MYO7B: variants seen among roughly 807,000 people sequenced by gnomAD.
MYO7B encodes myosin VIIB.
MYO7B carries 212 observed loss-of-function variants against 259.7 expected under a neutral mutation model. The ratio of observed to expected loss-of-function variants is 0.82; its 90% CI spans 0.73 to 0.91. MYO7B has a LOEUF of 0.91. Among genes scored for constraint, MYO7B ranks in the 40% least tolerant of loss-of-function variants. MYO7B has a pLI of 0.00. For missense variants in MYO7B, 2,732 were observed against 2,813.5 expected, an observed-to-expected ratio of 0.97 and a Z score of 0.66; for synonymous variants, 1,197 against 1,166.4, an observed-to-expected ratio of 1.03 and a Z score of -0.54.
intron 2 of MYO7B, among the ~76,000 whole-genome samples, chr2:127,561,556 G>A (rs1205812117): frequency 6.6e-6 from 1 of 152,160 alleles, no homozygotes; most frequent in Non-Finnish European, 1.5e-5. Flanking sequence ...TAATGAATAA[G>A]TCTTTCAGAG....
intron 6 of MYO7B, 103 bp from the exon 7 acceptor site, chr2:127,573,817 C>T (rs920163611): frequency 1.2e-4 from 177 of 1,450,878 alleles, no homozygotes; most frequent in Non-Finnish European, 3.1e-5. Context: ...TTCTTCAATT[C>T]GAGGCTTGGC....
Position 127,578,266 on chromosome 2 carries a change from T to C in MYO7B, c.983T>C (p.Leu328Pro). ...VIKLLAAILHLGNVGFMASVF... is the reference protein window; with the variant it reads ...VIKLLAAILHPGNVGFMASVF... ...AAGCTGCTGGCTGCCATTCTCCACC[T>C]GGGGAATGTGGGGTTCATGGGTAAT... Residue 328 changes from leucine to proline, a missense_variant, in exon 9 of 48, where the codon CTG (leucine) becomes CCG (proline). Leu to Pro is a moderately conservative substitution (Grantham distance 98, BLOSUM62 -3). Coordinates refer to ENST00000409816, the MANE Select transcript of MYO7B (RefSeq NM_001393586.1). 6.2e-7 allele frequency: 1 copy of C among 1,613,494 alleles called. No individual in the cohort carries two copies.
chr2:127,605,821 T>C (rs1285920247), intron 19 of MYO7B, 23 bp from the exon 20 acceptor site: 2 of 1,609,430 alleles, frequency 1.2e-6, no homozygotes, highest in African/African-American at 2.7e-5. Context: ...GTTACATGTG[T>C]GTGGCTTGCA....
Position 127,608,776 on chromosome 2 carries a change from C to A in MYO7B, c.2712C>A (p.Ser904=), listed in dbSNP as rs769696591. Reference sequence around the variant, plus strand: ...CTCTCCCTGCCAAGAAGCGCAGATCCATCTACGACACCGTCACTGACACGG... The same window carrying A: ...CTCTCCCTGCCAAGAAGCGCAGATCAATCTACGACACCGTCACTGACACGG... ...QGALPAKKRR[S]IYDTVTDTEM... is the part of the protein sequence containing the mutation. Residue 904 remains serine, a synonymous_variant, in exon 22 of 48, where the codon TCC becomes TCA. Coordinates refer to ENST00000409816, the MANE Select transcript of MYO7B (RefSeq NM_001393586.1). 1.9e-6 allele frequency: 3 copies of A among 1,613,484 alleles called. No homozygotes were observed. The highest frequency in any genetic ancestry group is 2.5e-6 in the Non-Finnish European group (3 of 1,179,866).
At chr2:127,567,389 C>T (rs1224762439) in intron 5 of MYO7B, among the ~76,000 whole-genome samples, 1 of 152,176 alleles carries the variant, frequency 6.6e-6, no homozygotes, top group African/African-American at 2.4e-5. Context: ...GCTCTCAGTT[C>T]ACTAGGGGAC....
At position 127,601,306 on chromosome 2, in the gene MYO7B, G is replaced by T. The variant is rs564315100; in HGVS notation, c.2340-4538G>T. Among the ~76,000 whole-genome samples, 5 of 152,306 alleles carry T rather than the reference G, an allele frequency of 3.3e-5. No individual in the cohort carries two copies. In the South Asian group the frequency reaches 6.2e-4, roughly 19 times the overall value. On this transcript the variant is annotated intron_variant, in intron 19 of 47. Coordinates refer to ENST00000409816, the MANE Select transcript of MYO7B (RefSeq NM_001393586.1). ...ACATATATTTTGCTGTTAATTCGGA[G>T]GTGTGCTCTGAAAAATGTCAATTAG... is the stretch of plus-strand genomic sequence containing the variant.
chr2:127,561,890 C>G (rs1029137567), intron 2 of MYO7B, among the ~76,000 whole-genome samples: 1 of 152,116 alleles, frequency 6.6e-6, no homozygotes, highest in South Asian at 2.1e-4. Context: ...GGTCAAGGTG[C>G]CTTTAGGGTT....
intron 19 of MYO7B, among the ~76,000 whole-genome samples, chr2:127,601,396 T>C (rs941008123): frequency 6.6e-6 from 1 of 152,244 alleles, no homozygotes; most frequent in African/African-American, 2.4e-5. Context: ...ATGTGTTTTA[T>C]CAATTGTTGA....
rs1681228926 is a variant in MYO7B at position 127,627,824 on chromosome 2, C to T, written c.4460+514C>T. On this transcript the variant is annotated intron_variant, in intron 33 of 47. Coordinates refer to ENST00000409816, the MANE Select transcript of MYO7B (RefSeq NM_001393586.1). This position sits in a 1 kb window ranked among gnomAD's most constrained non-coding sequence, Gnocchi z 5.6. Reference sequence around the variant, plus strand: ...GCCCTTTGGGAAGTCCCACCCAAGCCCTGCCAGAGCGCCCCTTGGTTGAAG... The same window carrying T: ...GCCCTTTGGGAAGTCCCACCCAAGCTCTGCCAGAGCGCCCCTTGGTTGAAG... The T allele has an allele frequency of 2.2e-6, 1 of 457,982 alleles. No individual in the cohort carries two copies. Among genetic ancestry groups the T allele is most frequent in the Non-Finnish European group, 4.4e-6 (1 of 227,830 alleles). The allele number at this position is 457,982 out of a possible 1,614,324, so 28.4% of individuals were successfully genotyped here. A position where few individuals can be genotyped will look rare whatever the true frequency, so the allele number is the denominator to read the frequency against.
intron 2 of MYO7B, among the ~76,000 whole-genome samples, chr2:127,562,025 A>G (rs1678108962): frequency 6.8e-6 from 1 of 147,254 alleles, no homozygotes; most frequent in Admixed American, 6.7e-5. Flanking sequence ...GAGAGAGAGA[A>G]AGGGAGAGAG....
chr2:127,571,954 C>T (rs546282396), intron 6 of MYO7B, among the ~76,000 whole-genome samples: 1 of 152,240 alleles, frequency 6.6e-6, no homozygotes, highest in South Asian at 2.1e-4. Context: ...TTTTATGGGT[C>T]ATGCTTTTTT....
chr2:127,571,443 T>TTTTTTTTTTGTTTTTTTG (rs1553448477), intron 6 of MYO7B, among the ~76,000 whole-genome samples: 2 of 72,892 alleles, frequency 2.7e-5, no homozygotes, highest in African/African-American at 1.7e-4. Flanking sequence ...TACCAGTGAG[T>TTTTTTTTTTGTTTTTTTG]TTTTTTTTTT....
At position 127,609,033 on chromosome 2, in the gene MYO7B, G is replaced by A. The variant is rs747097577; in HGVS notation, c.2814+155G>A. 1.3e-5 allele frequency among the ~76,000 whole-genome samples: 2 copies of A among 152,196 alleles called. No individual in the cohort carries two copies. The highest frequency in any genetic ancestry group is 2.4e-5 in the African/African-American group (1 of 41,462). On this transcript the variant is annotated intron_variant, in intron 22 of 47. Coordinates refer to ENST00000409816, the MANE Select transcript of MYO7B (RefSeq NM_001393586.1). The surrounding 1 kb of genome is among the most constrained non-coding windows in gnomAD (Gnocchi z 6.9). ...CTGGTCCCACACGGAAGAGGGGAGC[G>A]TGCGTGGGTTCTGTGGTCAAAGCCT...
At position 127,627,766 on chromosome 2, in the gene MYO7B, T is replaced by C. The variant is rs1190546828; in HGVS notation, c.4460+456T>C. ...GGGCTGACCCCCACTCCCATGGGTC[T>C]CCATGGATCTCATTGACTGGGAACT... On this transcript the variant is annotated intron_variant, in intron 33 of 47. Transcript: ENST00000409816. The surrounding 1 kb of genome is among the most constrained non-coding windows in gnomAD (Gnocchi z 5.6). 9 of 458,232 alleles carry C rather than the reference T, an allele frequency of 2.0e-5. No homozygotes were observed. Among genetic ancestry groups the C allele is most frequent in the African/African-American group, 1.2e-4 (6 of 50,232 alleles). The allele number at this position is 458,232 out of a possible 1,614,324, so 28.4% of individuals were successfully genotyped here.
At chr2:127,566,001 C>T (rs763001512) in intron 4 of MYO7B, among the ~76,000 whole-genome samples, 3 of 152,264 alleles carry the variant, frequency 2.0e-5, no homozygotes, top group Non-Finnish European at 4.4e-5. Flanking sequence ...TTGGTTCTGA[C>T]TGGCCCTTCT....
Position 127,582,375 on chromosome 2 carries a change from G to C in MYO7B, c.1272G>C (p.Gln424His). 2 of 1,613,456 alleles carry C rather than the reference G, an allele frequency of 1.2e-6. No homozygotes were observed. The highest frequency in any genetic ancestry group is 1.7e-6 in the Non-Finnish European group (2 of 1,179,730). The change falls in exon 12 of 48, where the codon CAG (glutamine) becomes CAC (histidine). Residue 424 changes from glutamine (Q) to histidine (H), a missense_variant. Physicochemically the swap from Gln to His is conservative, Grantham distance 24. Coordinates refer to ENST00000409816, the MANE Select transcript of MYO7B (RefSeq NM_001393586.1). ...CCGCCATCTTCACACCACCAGCCCA[G>C]GACCCCAAAAATGTGCGGAGGGCCA... ...INAAIFTPPA[Q>H]DPKNVRRAIG...
At chr2:127,619,401 G>T (rs1680738015) in intron 26 of MYO7B, among the ~76,000 whole-genome samples, 1 of 150,298 alleles carries the variant, frequency 6.7e-6, no homozygotes. Flanking sequence ...GGTGGGGGCT[G>T]GATGGATGGT....
intron 7 of MYO7B, among the ~76,000 whole-genome samples, chr2:127,574,541 A>G (rs1448525760): frequency 6.6e-6 from 1 of 152,230 alleles, no homozygotes; most frequent in Admixed American, 6.5e-5. Context: ...CTCTGTCTCA[A>G]AAAAGACTTT....
chr2:127,547,363 CTG>C (rs1693273985), intron 1 of MYO7B, among the ~76,000 whole-genome samples: 1 of 152,128 alleles, frequency 6.6e-6, no homozygotes, highest in African/African-American at 2.4e-5. Flanking sequence ...ATGTCTGTGC[CTG>C]TGTGTGTGTA....
Sources: allele counts gnomAD v4.1 joint callset (sites outside exome capture counted in the v4.1 genomes callset), GRCh38; gene constraint gnomAD v4.1.1; non-coding constraint Gnocchi (gnomAD v3.1); transcripts MANE v1.5; gene names NCBI Gene and HGNC (gene_info 2026-07-23, HGNC 2026-07-21).